FREM2: variants seen among roughly 807,000 people sequenced by gnomAD.
FREM2 encodes FRAS1-related extracellular matrix protein 2.
FREM2 carries 119 observed loss-of-function variants against 219.9 expected under a neutral mutation model. The ratio of observed to expected loss-of-function variants is 0.54; its 90% CI spans 0.47 to 0.63. The LOEUF (loss-of-function observed/expected upper bound fraction) is 0.63, where lower values mean the gene tolerates loss of function less well. Ranked by LOEUF, FREM2 falls within the 30% of genes least tolerant of loss-of-function variation. FREM2 has a pLI of 0.00. For synonymous variants in FREM2, 1,562 were observed against 1,522.8 expected, an observed-to-expected ratio of 1.03 and a Z score of -0.60; for missense variants, 4,030 against 3,993.6, an observed-to-expected ratio of 1.01 and a Z score of -0.25.
intron 2 of FREM2, among the ~76,000 whole-genome samples, chr13:38,761,943 C>G (rs1392877628): frequency 6.6e-6 from 1 of 152,134 alleles, no homozygotes; most frequent in African/African-American, 2.4e-5. Flanking sequence ...GAAAAGTCCA[C>G]TTGATATGGG....
chr13:38,807,158 T>A (rs1157370976), intron 6 of FREM2, among the ~76,000 whole-genome samples: 1 of 135,114 alleles, frequency 7.4e-6, no homozygotes, highest in Non-Finnish European at 1.6e-5. Flanking sequence ...CATGTTGATA[T>A]TTTGACCTTT....
chr13:38,750,176 G>A (rs926616637), intron 2 of FREM2, among the ~76,000 whole-genome samples: 3 of 152,116 alleles, frequency 2.0e-5, no homozygotes, highest in African/African-American at 7.2e-5. Context: ...CCTCTGATAT[G>A]GTTTGGCTCT....
In FREM2 at chr13:38,884,805, A is replaced by G. The variant is rs1488694637; in HGVS notation, c.*4018A>G. 1 of 152,152 alleles carries G rather than the reference A, an allele frequency of 6.6e-6. No individual in the cohort carries two copies. The highest frequency in any genetic ancestry group is 2.1e-4 in the South Asian group (1 of 4,824). The allele number at this position is 152,152 out of a possible 1,614,324, so 9.4% of individuals were successfully genotyped here. On this transcript the variant is annotated 3_prime_UTR_variant, in exon 24 of 24. Transcript: ENST00000280481. ...ACACACAGACATAAAATAACCAAACATCTCATTTCTAGGAAAGAGATAACA... is the reference window on the plus strand; with the variant it reads ...ACACACAGACATAAAATAACCAAACGTCTCATTTCTAGGAAAGAGATAACA...
chr13:38,821,154 C>T (rs888514531), intron 6 of FREM2, among the ~76,000 whole-genome samples: 1 of 152,092 alleles, frequency 6.6e-6, no homozygotes, highest in Non-Finnish European at 1.5e-5. Context: ...TGTTACCTTT[C>T]AGAGGGAACA....
At chr13:38,785,473 G>C (rs995937645) in intron 6 of FREM2, among the ~76,000 whole-genome samples, 1 of 152,212 alleles carries the variant, frequency 6.6e-6, no homozygotes, top group African/African-American at 2.4e-5. Flanking sequence ...GCAGAGAGCA[G>C]TAAACTGAGA....
intron 2 of FREM2, among the ~76,000 whole-genome samples, chr13:38,761,329 G>A (rs1327020644): frequency 6.6e-6 from 1 of 151,764 alleles, no homozygotes; most frequent in Non-Finnish European, 1.5e-5. Flanking sequence ...TGGGACCACA[G>A]TTTAAAGTGG....
At chr13:38,779,289 A>G (rs1044697807) in intron 4 of FREM2, 2 of 152,090 alleles carry the variant, frequency 1.3e-5, no homozygotes, top group African/African-American at 4.8e-5. Context: ...CAGGGCTTAA[A>G]ACCTAGATGA....
chr13:38,838,088 T>C (rs1488755608), intron 6 of FREM2, among the ~76,000 whole-genome samples: 1 of 152,196 alleles, frequency 6.6e-6, no homozygotes, highest in Non-Finnish European at 1.5e-5. Context: ...GTTTTTGCAG[T>C]GGCTGGTACT....
intron 6 of FREM2, among the ~76,000 whole-genome samples, chr13:38,785,048 T>G (rs1362781009): frequency 2.6e-5 from 4 of 152,244 alleles, no homozygotes; most frequent in Admixed American, 2.6e-4. Context: ...CGCCGTTTCT[T>G]TCACCAAGCC....
intron 6 of FREM2, among the ~76,000 whole-genome samples, chr13:38,816,657 G>GTC (rs78579228): frequency 0.065 from 9,900 of 152,022 alleles, 992 homozygotes; most frequent in African/African-American, 0.21. Context: ...TTCCTGTAAG[G>GTC]TCAGGAACTA....
chr13:38,840,507 A>G (rs1415521184), intron 6 of FREM2, among the ~76,000 whole-genome samples: 1 of 150,826 alleles, frequency 6.6e-6, no homozygotes. Context: ...CTGCAACCCA[A>G]ATGACCTTTA....
At chr13:38,823,324 C>A (rs747030702) in intron 6 of FREM2, among the ~76,000 whole-genome samples, 13 of 152,040 alleles carry the variant, frequency 8.6e-5, no homozygotes, top group Non-Finnish European at 1.6e-4. Context: ...CACCCCTTTC[C>A]ACCAGACCAT....
In FREM2 at chr13:38,857,879, C is replaced by T. The variant is rs775634507; in HGVS notation, c.7061C>T (p.Thr2354Met). Residue 2354 changes from threonine (T) to methionine (M), a missense_variant, in exon 13 of 24, where the codon ACG becomes ATG. This residue lies in a region of FREM2 where 928 missense variants were observed against 1,042.9 expected (regional missense o/e 0.89). Transcript: ENST00000280481. ...DENMIAEMQL[T>M]KAIVYIEEMS... Reference sequence around the variant, plus strand: ...ATAATTGTCTTTTCCTTCTAGTTGACGAAAGCCATTGTGTACATAGAAGAA... The same window carrying T: ...ATAATTGTCTTTTCCTTCTAGTTGATGAAAGCCATTGTGTACATAGAAGAA... 4.0e-5 allele frequency: 64 copies of T among 1,612,868 alleles called. No homozygotes were observed. Among genetic ancestry groups the T allele is most frequent in the Middle Eastern group, 1.6e-4 (1 of 6,080 alleles).
chr13:38,725,823 A>G (rs1246910161), intron 2 of FREM2, among the ~76,000 whole-genome samples: 1 of 152,178 alleles, frequency 6.6e-6, no homozygotes, highest in Non-Finnish European at 1.5e-5. Context: ...AAGGCTTTTT[A>G]CTGACATGGG....
chr13:38,698,235 G>A (rs1821109966), intron 2 of FREM2, among the ~76,000 whole-genome samples: 2 of 152,180 alleles, frequency 1.3e-5, no homozygotes, highest in African/African-American at 4.8e-5. Flanking sequence ...TGGAAAATGT[G>A]TTGCATTCAC....
At chr13:38,828,430 C>T (rs1039510451) in intron 6 of FREM2, among the ~76,000 whole-genome samples, 1 of 152,008 alleles carries the variant, frequency 6.6e-6, no homozygotes, top group African/African-American at 2.4e-5. Context: ...ACATAATGGC[C>T]AGGCACAGGG....
At chr13:38,860,464 A>G (rs527676154) in intron 14 of FREM2, among the ~76,000 whole-genome samples, 3 of 152,324 alleles carry the variant, frequency 2.0e-5, no homozygotes, top group Admixed American at 6.5e-5. Context: ...CTATTTGCAC[A>G]CCGCATTCAA....
chr13:38,812,649 G>A (rs962874891), intron 6 of FREM2, among the ~76,000 whole-genome samples: 11 of 152,112 alleles, frequency 7.2e-5, no homozygotes, highest in Non-Finnish European at 2.9e-5. Context: ...GGGAGGCTAA[G>A]GCAGGCAGTT....
chr13:38,803,153 G>A (rs1380799830), intron 6 of FREM2, among the ~76,000 whole-genome samples: 1 of 152,104 alleles, frequency 6.6e-6, no homozygotes, highest in East Asian at 1.9e-4. Context: ...GTAACTCAGG[G>A]CAAATCTGAA....
Sources: gnomAD v4.1 joint callset for allele counts (sites outside exome capture counted in the v4.1 genomes callset) on GRCh38, gnomAD v4.1.1 for gene constraint, gnomAD v4.1.1 regional missense constraint, MANE v1.5 for transcripts, NCBI Gene and HGNC (gene_info 2026-07-23, HGNC 2026-07-21) for gene names.